Variants in MARCHF10 observed in about 807,000 individuals in gnomAD.
MARCHF10 encodes the protein probable E3 ubiquitin-protein ligase MARCHF10.
Under a neutral mutation model 76.2 loss-of-function variants are expected in MARCHF10, and 64 were observed. The ratio of observed to expected loss-of-function variants is 0.84; its 90% CI spans 0.69 to 1.03. The LOEUF (loss-of-function observed/expected upper bound fraction) is 1.03, where lower values mean the gene tolerates loss of function less well. MARCHF10 is among the 50% of genes least tolerant of loss of function. The pLI, the probability that MARCHF10 is intolerant of heterozygous loss-of-function variation, is 0.00. For missense variants in MARCHF10, 875 were observed against 958.0 expected, an observed-to-expected ratio of 0.91 and a Z score of 1.14; for synonymous variants, 340 against 357.5, an observed-to-expected ratio of 0.95 and a Z score of 0.55.
At chr17:62,776,047 C>A (rs2092549305) in intron 3 of MARCHF10, among the ~76,000 whole-genome samples, 1 of 152,160 alleles carries the variant, frequency 6.6e-6, no homozygotes, top group Non-Finnish European at 1.5e-5. Context: ...ATCTTCCCAA[C>A]TTAGACTCCC....
intron 4 of MARCHF10, among the ~76,000 whole-genome samples, chr17:62,744,804 A>C (rs2091643066): frequency 6.6e-6 from 1 of 152,070 alleles, no homozygotes; most frequent in African/African-American, 2.4e-5. Flanking sequence ...ACCTGAGGTC[A>C]GGAGTTTGAG....
chr17:62,734,887 A>G (rs1316556303), intron 6 of MARCHF10, among the ~76,000 whole-genome samples: 1 of 152,214 alleles, frequency 6.6e-6, no homozygotes, highest in African/African-American at 2.4e-5. Context: ...GGGATGGTAG[A>G]AATTTAGACT....
chr17:62,765,498 C>T (rs1599277209), intron 3 of MARCHF10, among the ~76,000 whole-genome samples: 2 of 152,096 alleles, frequency 1.3e-5, no homozygotes, highest in South Asian at 4.2e-4. Flanking sequence ...TTCAGTCCAG[C>T]AAGTTGAAAC....
chr17:62,708,243 C>CTTTTTTTTTTTTTT (rs60147578), intron 9 of MARCHF10, among the ~76,000 whole-genome samples: 1 of 144,568 alleles, frequency 6.9e-6, no homozygotes, highest in Non-Finnish European at 1.5e-5. Flanking sequence ...AAAGTAGGTT[C>CTTTTTTTTTTTTTT]TTTTTTTTTT....
At chr17:62,730,268 T>C (rs896769159) in intron 6 of MARCHF10, among the ~76,000 whole-genome samples, 3 of 152,056 alleles carry the variant, frequency 2.0e-5, no homozygotes, top group Non-Finnish European at 2.9e-5. Context: ...ATGTGTATAA[T>C]TGATGGAGCA....
At position 62,723,820 on chromosome 17, in the gene MARCHF10, C is replaced by A. The variant is rs556413395; in HGVS notation, c.2104+1118G>T. ...CTCGTTTTCTTCCCTCTCTGAAGGA[C>A]TGAATATTTTGCTCGTTATATGGAT... On this transcript the variant is annotated intron_variant, in intron 7 of 10. Transcript: ENST00000311269. 4.6e-5 allele frequency among the ~76,000 whole-genome samples: 7 copies of A among 152,172 alleles called. 1 individual carries two copies. In the South Asian group the frequency reaches 1.2e-3, roughly 27 times the overall value.
intron 3 of MARCHF10, among the ~76,000 whole-genome samples, chr17:62,775,253 G>A (rs2092529441): frequency 6.6e-6 from 1 of 150,964 alleles, no homozygotes. Flanking sequence ...AGCCTCCCGA[G>A]TAGCTGGGAT....
intron 10 of MARCHF10, among the ~76,000 whole-genome samples, chr17:62,702,552 G>C (rs943878891): frequency 1.3e-5 from 2 of 152,112 alleles, no homozygotes; most frequent in African/African-American, 4.8e-5. Context: ...TGTAATCCCA[G>C]CTGCTTAGGA....
chr17:62,782,758 A>C (rs1003576536), intron 3 of MARCHF10, among the ~76,000 whole-genome samples: 1 of 152,152 alleles, frequency 6.6e-6, no homozygotes, highest in African/African-American at 2.4e-5. Context: ...CTTGAGTTTC[A>C]TAAGAGATCT....
At chr17:62,752,275 C>A (rs893344465) in intron 4 of MARCHF10, among the ~76,000 whole-genome samples, 5 of 152,124 alleles carry the variant, frequency 3.3e-5, no homozygotes, top group Non-Finnish European at 5.9e-5. Flanking sequence ...TCAGGGGAGA[C>A]ATTCTTGCCA....
In MARCHF10 at chr17:62,735,549, T is replaced by C. The variant is rs147958003; in HGVS notation, c.1937+382A>G. 1.4e-3 allele frequency: 249 copies of C among 183,400 alleles called. 1 individual carries two copies. The highest frequency in any genetic ancestry group is 5.7e-3 in the African/African-American group (240 of 42,138). 11.4% of individuals were successfully genotyped at this position (183,400 alleles called of 1,614,324 possible). ...AGTCCCATAAGGGAGAGCTGCGAAC[T>C]TCAAGTGTGGACTGGTTCATTCTCT... On this transcript the variant is annotated intron_variant, in intron 6 of 10. Transcript: ENST00000311269.
intron 2 of MARCHF10, among the ~76,000 whole-genome samples, chr17:62,793,474 A>ACCACCACCACC (rs2092917794): frequency 2.4e-5 from 3 of 123,312 alleles, no homozygotes; most frequent in East Asian, 2.6e-4. Flanking sequence ...CACCACCACC[A>ACCACCACCACC]TCACCACCAC....
chr17:62,748,135 C>T (rs976935247), intron 4 of MARCHF10, among the ~76,000 whole-genome samples: 2 of 152,118 alleles, frequency 1.3e-5, no homozygotes, highest in South Asian at 2.1e-4. Flanking sequence ...CGGTGGCTCA[C>T]GCCTGTAATC....
At chr17:62,796,800 C>T (rs113498378) in intron 2 of MARCHF10, among the ~76,000 whole-genome samples, 3,324 of 152,166 alleles carry the variant, frequency 0.022, 105 homozygotes, top group African/African-American at 0.075. Context: ...ACCAGCCTGG[C>T]CAACATGGTG....
At chr17:62,802,928 A>C (rs1056048802) in intron 1 of MARCHF10, among the ~76,000 whole-genome samples, 8 of 152,224 alleles carry the variant, frequency 5.3e-5, no homozygotes, top group African/African-American at 1.9e-4. Context: ...TCTGGGAAGT[A>C]AATGATTAGA....
chr17:62,756,921 C>G lies in MARCHF10; in HGVS notation c.382+2914G>C, dbSNP rs567546717. 4.6e-5 allele frequency among the ~76,000 whole-genome samples: 7 copies of G among 152,336 alleles called. No homozygotes were observed. In the South Asian group the frequency reaches 8.3e-4, roughly 18 times the overall value. On this transcript the variant is annotated intron_variant, in intron 4 of 10. Coordinates refer to ENST00000311269, the MANE Select transcript of MARCHF10 (RefSeq NM_152598.4). ...ATGGACTATACAAACTTAATTTAAACGTGTGAATTCCTTCTAACAGGATGA... is the reference window on the plus strand; with the variant it reads ...ATGGACTATACAAACTTAATTTAAAGGTGTGAATTCCTTCTAACAGGATGA...
Position 62,701,693 on chromosome 17 carries a change from G to A in MARCHF10, c.*10C>T. The A allele has an allele frequency of 6.2e-7, 1 of 1,614,084 alleles. No homozygotes were observed. The highest frequency in any genetic ancestry group is 1.3e-5 in the African/African-American group (1 of 75,050). Reference sequence around the variant, plus strand: ...GAGGTCTCCGCCGAGCTCCACAGTTGGCTTCCTTGCTAGACGACCTGGCTT... The same window carrying A: ...GAGGTCTCCGCCGAGCTCCACAGTTAGCTTCCTTGCTAGACGACCTGGCTT... On this transcript the variant is annotated 3_prime_UTR_variant, in exon 11 of 11. Coordinates refer to ENST00000311269, the MANE Select transcript of MARCHF10 (RefSeq NM_152598.4).
intron 10 of MARCHF10, among the ~76,000 whole-genome samples, chr17:62,704,380 G>C (rs2089446528): frequency 6.6e-6 from 1 of 152,172 alleles, no homozygotes; most frequent in Admixed American, 6.5e-5. Flanking sequence ...CGCTGGGATC[G>C]GCCAGACCCC....
chr17:62,764,919 T>C (rs1288162491), intron 3 of MARCHF10, among the ~76,000 whole-genome samples: 1 of 152,206 alleles, frequency 6.6e-6, no homozygotes, highest in Non-Finnish European at 1.5e-5. Flanking sequence ...TTGGTCTTTC[T>C]GGACTCAGGT....
Sources: gnomAD v4.1 joint callset for allele counts (sites outside exome capture counted in the v4.1 genomes callset) on GRCh38, gnomAD v4.1.1 for gene constraint, MANE v1.5 for transcripts, NCBI Gene and HGNC (gene_info 2026-07-23, HGNC 2026-07-21) for gene names.